Variants in OLFM1 observed in about 807,000 individuals in gnomAD.
OLFM1 encodes the protein noelin.
OLFM1 carries 9 observed loss-of-function variants against 49.7 expected under a neutral mutation model. The observed-to-expected ratio is 0.18, with a 90% CI of 0.11 to 0.32. The LOEUF (loss-of-function observed/expected upper bound fraction) is 0.32, where lower values mean the gene tolerates loss of function less well. Among genes scored for constraint, OLFM1 ranks in the 10% least tolerant of loss-of-function variants. The pLI, the probability that OLFM1 is intolerant of heterozygous loss-of-function variation, is 1.00. For synonymous variants in OLFM1, 240 were observed against 271.8 expected, an observed-to-expected ratio of 0.88 and a Z score of 1.15; for missense variants, 369 against 661.8, an observed-to-expected ratio of 0.56 and a Z score of 4.85.
chr9:135,082,888 C>CT (rs1564266488), upstream of OLFM1, among the ~76,000 whole-genome samples: 1 of 152,156 alleles, frequency 6.6e-6, no homozygotes, highest in Non-Finnish European at 1.5e-5. Context: ...CAGTAATGCC[C>CT]GGGAGCCTCC....
At chr9:135,085,734 C>T (rs1830588120), upstream of OLFM1, among the ~76,000 whole-genome samples, 1 of 152,244 alleles carries the variant, frequency 6.6e-6, no homozygotes, top group Non-Finnish European at 1.5e-5. Context: ...CATTCTTCAA[C>T]GATCCATACT....
Position 135,096,001 on chromosome 9 carries a change from C to T in OLFM1, c.438C>T (p.His146=), listed in dbSNP as rs769511587. Residue 146 remains histidine, a synonymous_variant, in exon 3 of 6, where the codon CAC becomes CAT. Coordinates refer to ENST00000371793, the MANE Select transcript of OLFM1 (RefSeq NM_001282611.2). ...AGGTGGAGGAGAGTCATAAGCAACACCTGGCCAGGCAGTTTAAGGTATGCA... is the reference window on the plus strand; with the variant it reads ...AGGTGGAGGAGAGTCATAAGCAACATCTGGCCAGGCAGTTTAAGGTATGCA... ...FKQVEESHKQ[H]LARQFKAIKA... is the part of the protein sequence containing the mutation. 2 of 1,612,178 alleles carry T rather than the reference C, an allele frequency of 1.2e-6. No individual in the cohort carries two copies. The highest frequency in any genetic ancestry group is 2.2e-5 in the South Asian group (2 of 90,986).
chr9:135,096,916 CATAG>C (rs550670662), intron 3 of OLFM1, among the ~76,000 whole-genome samples: 200 of 152,334 alleles, frequency 1.3e-3, no homozygotes, highest in Non-Finnish European at 2.1e-3. Flanking sequence ...GACCTAAAAT[CATAG>C]ATACAGATGT....
chr9:135,076,378 C>T, intron 1 of OLFM1: 1 of 1,515,680 alleles, frequency 6.6e-7, no homozygotes, highest in South Asian at 1.3e-5. Context: ...GCTGTGGCCA[C>T]ATGCCCGGCA....
At chr9:135,116,150 T>C (rs1831093415) in intron 5 of OLFM1, among the ~76,000 whole-genome samples, 1 of 152,116 alleles carries the variant, frequency 6.6e-6, no homozygotes, top group African/African-American at 2.4e-5. Context: ...GATGAGAACA[T>C]TGAGGGAATG....
chr9:135,101,261 C>T (rs1316467058), intron 4 of OLFM1, among the ~76,000 whole-genome samples: 8 of 152,044 alleles, frequency 5.3e-5, no homozygotes, highest in African/African-American at 1.7e-4. Flanking sequence ...TCCCGGACCC[C>T]GCAGTTTCTT....
chr9:135,077,296 G>T (rs1830480894), intron 1 of OLFM1: 1 of 1,442,540 alleles, frequency 6.9e-7, no homozygotes, highest in South Asian at 1.5e-5. Flanking sequence ...GCTGATTCTG[G>T]GTGGTCCTGG....
At chr9:135,084,727 T>C (rs1239552417), upstream of OLFM1, among the ~76,000 whole-genome samples, 1 of 152,162 alleles carries the variant, frequency 6.6e-6, no homozygotes, top group Non-Finnish European at 1.5e-5. This position sits in a 1 kb window ranked among gnomAD's most constrained non-coding sequence, Gnocchi z 4.6. Flanking sequence ...CCAAACTTTG[T>C]CCCTTGAGGG....
chr9:135,076,541 GGGA>G, intron 1 of OLFM1: 5 of 1,160,830 alleles, frequency 4.3e-6, no homozygotes, highest in African/African-American at 1.5e-5. Flanking sequence ...CAGGTCTTGG[GGGA>G]GGAGAAGGGC....
At chr9:135,084,235 G>A (rs536851871), upstream of OLFM1, among the ~76,000 whole-genome samples, 82 of 152,304 alleles carry the variant, frequency 5.4e-4, no homozygotes, top group Middle Eastern at 6.8e-3. The surrounding 1 kb of genome is among the most constrained non-coding windows in gnomAD (Gnocchi z 4.6). Context: ...TACATACAAC[G>A]TAGAAAAAGG....
chr9:135,076,061 C>G, intron 1 of OLFM1: 1 of 1,453,988 alleles, frequency 6.9e-7, no homozygotes, highest in Non-Finnish European at 9.1e-7. Flanking sequence ...TCCTAGGACT[C>G]CGCTGCCCCC....
chr9:135,120,397 C>A lies in OLFM1; in HGVS notation c.*219C>A. 1.7e-6 allele frequency: 1 copy of A among 586,968 alleles called. No individual in the cohort carries two copies. Among genetic ancestry groups the A allele is most frequent in the Non-Finnish European group, 3.0e-6 (1 of 333,484 alleles). 36.4% of individuals were successfully genotyped at this position (586,968 alleles called of 1,614,324 possible). On this transcript the variant is annotated 3_prime_UTR_variant, in exon 6 of 6. Transcript: ENST00000371793. ...GAAACTCCCGTATTTGCAGCTGGAA[C>A]TGCAGCCCACGGCGCCCCGGTTTTC...
chr9:135,119,158 G>C (rs570508356), intron 5 of OLFM1, among the ~76,000 whole-genome samples: 1 of 151,688 alleles, frequency 6.6e-6, no homozygotes, highest in Non-Finnish European at 1.5e-5. Context: ...AGTGCTCACC[G>C]AGTCTTTGGA....
intron 2 of OLFM1, chr9:135,094,910 C>A (rs1830765856): frequency 6.6e-6 from 1 of 152,140 alleles, no homozygotes; most frequent in Non-Finnish European, 1.5e-5. Context: ...ATGGAGGTAA[C>A]TTCCTCTCTA....
At chr9:135,093,061 C>G (rs745452449) in intron 2 of OLFM1, among the ~76,000 whole-genome samples, 2 of 152,206 alleles carry the variant, frequency 1.3e-5, no homozygotes, top group Admixed American at 1.3e-4. Flanking sequence ...ATATTCCAGC[C>G]AGGTCGGTAT....
At chr9:135,089,734 G>A (rs555743867) in intron 1 of OLFM1, among the ~76,000 whole-genome samples, 1 of 152,190 alleles carries the variant, frequency 6.6e-6, no homozygotes, top group Non-Finnish European at 1.5e-5. Flanking sequence ...GGGAACGGCA[G>A]GGCGAGGCTT....
chr9:135,114,123 C>CTTTTT lies in OLFM1; in HGVS notation c.784-5358_784-5354dup, dbSNP rs138372395. On this transcript the variant is annotated intron_variant, in intron 5 of 5. Coordinates refer to ENST00000371793, the MANE Select transcript of OLFM1 (RefSeq NM_001282611.2). ...TCCAGGACCAGCTCATCTTGAGATT[C>CTTTTT]TTTTTTTTTTTTTTTTTTTTTTTTT... 8.1e-3 allele frequency among the ~76,000 whole-genome samples: 613 copies of CTTTTT among 75,842 alleles called. 102 individuals are homozygous for CTTTTT. Among genetic ancestry groups the CTTTTT allele is most frequent in the Non-Finnish European group, 0.011 (420 of 39,992 alleles). 49.8% of individuals were successfully genotyped at this position (75,842 alleles called of 152,430 possible).
Position 135,087,704 on chromosome 9 carries a change from C to G in OLFM1, c.-286C>G, listed in dbSNP as rs1284553455. On this transcript the variant is annotated 5_prime_UTR_variant, in exon 1 of 6. Coordinates refer to ENST00000371793, the MANE Select transcript of OLFM1 (RefSeq NM_001282611.2). ...GCGCTTCCCGGTGGCGGCGGAGGAG[C>G]CCGGAGGGACGCAGCCGGGCAAGGC... 5.0e-6 allele frequency: 2 copies of G among 399,306 alleles called. No individual in the cohort carries two copies. The highest frequency in any genetic ancestry group is 1.1e-4 in the East Asian group (1 of 9,228). 24.7% of individuals were successfully genotyped at this position (399,306 alleles called of 1,614,324 possible).
At chr9:135,114,120 A>ATTTTT (rs1564280453) in intron 5 of OLFM1, among the ~76,000 whole-genome samples, 4 of 72,510 alleles carry the variant, frequency 5.5e-5, no homozygotes, top group South Asian at 4.4e-4. Context: ...TCATCTTGAG[A>ATTTTT]TTCTTTTTTT....
Sources: gnomAD v4.1 joint callset for allele counts (sites outside exome capture counted in the v4.1 genomes callset) on GRCh38, gnomAD v4.1.1 for gene constraint, Gnocchi (gnomAD v3.1) non-coding constraint, MANE v1.5 for transcripts, NCBI Gene and HGNC (gene_info 2026-07-23, HGNC 2026-07-21) for gene names.